Variants in NOTCH4 observed in about 807,000 individuals in gnomAD.
NOTCH4 encodes neurogenic locus notch homolog protein 4.
In NOTCH4, 138 loss-of-function variants were observed where a neutral mutation model predicts 189.0. The ratio of observed to expected loss-of-function variants is 0.73; its 90% CI spans 0.64 to 0.84. The LOEUF is 0.84. Ranked by LOEUF, NOTCH4 falls within the 40% of genes least tolerant of loss-of-function variation. The probability of loss-of-function intolerance (pLI) is 0.00; values close to 1 mark genes in which losing one functional copy is unlikely to be tolerated. For missense variants in NOTCH4, 2,286 were observed against 2,605.4 expected (o/e 0.88, Z 2.67); for synonymous variants, 942 against 1,032.8 (o/e 0.91, Z 1.69).
rs1788176308 is a variant in NOTCH4, at chr6:32,199,170, A to G, written c.4316-25T>C. ...GCTGGTGGGAGAGACAGAGTCACAA[A>G]GAGAGGCCACTCCTGGTGAGACTGA... On this transcript the variant is annotated intron_variant, in intron 23 of 29. Transcript: ENST00000375023. This position sits in a 1 kb window ranked among gnomAD's most constrained non-coding sequence, Gnocchi z 4.9. 2 of 1,526,812 alleles carry G rather than the reference A, an allele frequency of 1.3e-6. No individual in the cohort carries two copies. Among genetic ancestry groups the G allele is most frequent in the Non-Finnish European group, 1.8e-6 (2 of 1,130,894 alleles). 94.6% of individuals were successfully genotyped at this position (1,526,812 alleles called of 1,614,324 possible). A position where few individuals can be genotyped will look rare whatever the true frequency, so the allele number is the denominator to read the frequency against.
rs762000002 is a variant in NOTCH4 at position 32,218,109 on chromosome 6, C to T, written c.1511-1G>A. ...ACCTCACAGAGCTGCCCTTCTAAGC[C>T]TGGGGACATGGGGACCATGAGGGCT... On this transcript the variant is annotated splice_acceptor_variant, in intron 8 of 29. Transcript: ENST00000375023. LOFTEE classifies it high-confidence loss of function. The T allele has an allele frequency of 3.1e-6, 5 of 1,601,508 alleles. No homozygotes were observed. In the East Asian group the frequency reaches 1.1e-4, roughly 36 times the overall value.
rs1015312171 is a variant in NOTCH4 at position 32,199,243 on chromosome 6, C to T, written c.4316-98G>A. 17 of 875,402 alleles carry T rather than the reference C, an allele frequency of 1.9e-5. No individual in the cohort carries two copies. The highest frequency in any genetic ancestry group is 6.6e-5 in the Admixed American group (2 of 30,512). 54.2% of individuals were successfully genotyped at this position (875,402 alleles called of 1,614,324 possible). A position where few individuals can be genotyped will look rare whatever the true frequency, so the allele number is the denominator to read the frequency against. On this transcript the variant is annotated intron_variant, in intron 23 of 29. Coordinates refer to ENST00000375023, the MANE Select transcript of NOTCH4 (RefSeq NM_004557.4). The surrounding 1 kb of genome is among the most constrained non-coding windows in gnomAD (Gnocchi z 4.9). The stretch of plus-strand genomic sequence containing the variant: ...CAAGTTTAGTAGCCGGTCTTTGCCT[C>T]GGTTTCCTTATCTGCAAAATGGGGA...
chr6:32,203,554 G>C, intron 20 of NOTCH4: 1 of 537,150 alleles, frequency 1.9e-6, no homozygotes, highest in Non-Finnish European at 3.3e-6. Context: ...CTTAGGCAAC[G>C]CCTGTGATTT....
chr6:32,222,909 CCT>C, intron 2 of NOTCH4, 94 bp downstream of exon 2: 2 of 1,551,678 alleles, frequency 1.3e-6, no homozygotes, highest in Non-Finnish European at 1.8e-6. Context: ...TCCTTCACTT[CCT>C]CTCTTTCTTC....
In NOTCH4 at chr6:32,195,366, A is replaced by G; in HGVS notation, c.*71T>C. ...TTCATTTTGGGGGATCCATCTTAAA[A>G]CCAGGAAGGCCTTCCAGCCTGCCTT... On this transcript the variant is annotated 3_prime_UTR_variant, in exon 30 of 30. Coordinates refer to ENST00000375023, the MANE Select transcript of NOTCH4 (RefSeq NM_004557.4). The surrounding 1 kb of genome is among the most constrained non-coding windows in gnomAD (Gnocchi z 5.4). The G allele has an allele frequency of 6.9e-7, 1 of 1,446,506 alleles. No homozygotes were observed. The highest frequency in any genetic ancestry group is 9.3e-7 in the Non-Finnish European group (1 of 1,077,390). 89.6% of individuals were successfully genotyped at this position (1,446,506 alleles called of 1,614,324 possible). A position where few individuals can be genotyped will look rare whatever the true frequency, so the allele number is the denominator to read the frequency against.
At position 32,199,548 on chromosome 6, in the gene NOTCH4, C is replaced by T. The variant is rs1373499277; in HGVS notation, c.4316-403G>A. 2.0e-5 allele frequency among the ~76,000 whole-genome samples: 3 copies of T among 151,936 alleles called. No homozygotes were observed. Among genetic ancestry groups the T allele is most frequent in the East Asian group, 3.9e-4 (2 of 5,176 alleles). On this transcript the variant is annotated intron_variant, in intron 23 of 29. Coordinates refer to ENST00000375023, the MANE Select transcript of NOTCH4 (RefSeq NM_004557.4). The surrounding 1 kb of genome is among the most constrained non-coding windows in gnomAD (Gnocchi z 4.9). Reference sequence around the variant, plus strand: ...TGAAACCCTGTCTCTACTAAAAATACAAAAAATTAGCCAGGTGTGGTGGCG... The same window carrying T: ...TGAAACCCTGTCTCTACTAAAAATATAAAAAATTAGCCAGGTGTGGTGGCG...
chr6:32,197,093 T>C (rs114888927), intron 27 of NOTCH4, 21 bp from the exon 28 acceptor site: 1 of 1,610,686 alleles, frequency 6.2e-7, no homozygotes, highest in Admixed American at 1.7e-5. Context: ...AGAGGGCCAG[T>C]GACCCCTGGG....
At chr6:32,208,680 G>T (rs1788841673) in intron 18 of NOTCH4, among the ~76,000 whole-genome samples, 2 of 152,216 alleles carry the variant, frequency 1.3e-5, no homozygotes, top group African/African-American at 4.8e-5. Context: ...GTTGCAGTGA[G>T]CTGAGATCAA....
intron 28 of NOTCH4, 66 bp downstream of exon 28, chr6:32,196,859 G>A: frequency 1.3e-6 from 2 of 1,580,348 alleles, no homozygotes; most frequent in Non-Finnish European, 1.7e-6. Flanking sequence ...CCTATATTTT[G>A]CACGCTATCT....
intron 1 of NOTCH4, among the ~76,000 whole-genome samples, 179 bp from the exon 2 acceptor site, chr6:32,223,265 T>C (rs1407532858): frequency 6.6e-6 from 1 of 151,952 alleles, no homozygotes. Context: ...GTGCCCTCCG[T>C]CCCAGTTACT....
intron 18 of NOTCH4, among the ~76,000 whole-genome samples, chr6:32,207,638 C>T (rs200391889): frequency 4.9e-5 from 6 of 123,330 alleles, no homozygotes; most frequent in African/African-American, 1.2e-4. Flanking sequence ...TCCCCCCCCC[C>T]CAAAAAAAAA....
Position 32,221,347 on chromosome 6 carries a change from G to A in NOTCH4, c.452-22C>T. On this transcript the variant is annotated intron_variant, in intron 3 of 29. Coordinates refer to ENST00000375023, the MANE Select transcript of NOTCH4 (RefSeq NM_004557.4). The surrounding 1 kb of genome is among the most constrained non-coding windows in gnomAD (Gnocchi z 4.3). The stretch of plus-strand genomic sequence containing the variant: ...TCACCTGAGGCAGAGGACAGAGGGA[G>A]CCGTTTCTAGCATTGTACGAATTCT... The A allele has an allele frequency of 6.3e-7, 1 of 1,580,122 alleles. No homozygotes were observed. The highest frequency in any genetic ancestry group is 8.7e-7 in the Non-Finnish European group (1 of 1,155,426).
chr6:32,217,871 A>G lies in NOTCH4; in HGVS notation c.1624+124T>C, dbSNP rs1789512318. On this transcript the variant is annotated intron_variant, in intron 9 of 29. Transcript: ENST00000375023. The surrounding 1 kb of genome is among the most constrained non-coding windows in gnomAD (Gnocchi z 4.2). ...TAGAGATTTTGGGGAGCAAAGACAGATTTGGAGGACTCCTTGGCTTGGCTA... is the reference window on the plus strand; with the variant it reads ...TAGAGATTTTGGGGAGCAAAGACAGGTTTGGAGGACTCCTTGGCTTGGCTA... The G allele has an allele frequency of 6.1e-6, 4 of 657,766 alleles. No individual in the cohort carries two copies. The highest frequency in any genetic ancestry group is 3.6e-5 in the South Asian group (2 of 56,234). 40.7% of individuals were successfully genotyped at this position (657,766 alleles called of 1,614,324 possible).
At chr6:32,211,800 C>T (rs1248023597) in intron 17 of NOTCH4, among the ~76,000 whole-genome samples, 1 of 152,060 alleles carries the variant, frequency 6.6e-6, no homozygotes, top group Non-Finnish European at 1.5e-5. Flanking sequence ...CGAGTTTTAC[C>T]TCTCTCCTCA....
intron 18 of NOTCH4, among the ~76,000 whole-genome samples, chr6:32,209,814 C>T (rs566199427): frequency 1.3e-4 from 20 of 148,902 alleles, no homozygotes; most frequent in African/African-American, 3.4e-4. Flanking sequence ...ACCTGGGAGG[C>T]GGGGGTTTCA....
In NOTCH4 at chr6:32,195,937, C is replaced by T. The variant is rs1393114249; in HGVS notation, c.5512G>A (p.Gly1838Arg). 2.5e-6 allele frequency: 4 copies of T among 1,590,130 alleles called. No individual in the cohort carries two copies. Among genetic ancestry groups the T allele is most frequent in the South Asian group, 2.2e-5 (2 of 89,790 alleles). Residue 1838 changes from glycine (G) to arginine (R), a missense_variant, in exon 30 of 30, where the codon GGG (glycine) becomes AGG (arginine). This residue lies in a region of NOTCH4 where 383 missense variants were observed against 343.5 expected (regional missense o/e 1.11). Transcript: ENST00000375023. The surrounding 1 kb of genome is among the most constrained non-coding windows in gnomAD (Gnocchi z 5.4). ...RHKATPGREA[G>R]PFPRARTVSV... ...ACCGTCCGTGCGCGCGGGAAGGGCC[C>T]AGCCTCGCGGCCCGGCGTGGCTTTG... is the stretch of plus-strand genomic sequence containing the variant.
At position 32,219,589 on chromosome 6, in the gene NOTCH4, T is replaced by C; in HGVS notation, c.1510+3A>G. ...CCCACCCAAGGCCCCATCCAGCTGA[T>C]ACCTGGCGGGCAGAGGCAGTGGAAG... On this transcript the variant is annotated splice_donor_region_variant and intron_variant, in intron 8 of 29. Transcript: ENST00000375023. 6.2e-7 allele frequency: 1 copy of C among 1,612,238 alleles called. No homozygotes were observed. Among genetic ancestry groups the C allele is most frequent in the Non-Finnish European group, 8.5e-7 (1 of 1,179,578 alleles).
Position 32,197,518 on chromosome 6 carries a change from T to C in NOTCH4, c.4833A>G (p.Gly1611=). Residue 1611 remains glycine, a synonymous_variant, in exon 27 of 30, where the codon GGA becomes GGG. Transcript: ENST00000375023. ...QSGTFQGAWL[G]CPEPWEPLLD... ...GCAGAGGTTCCCAGGGCTCAGGACA[T>C]CCCAACCATGCCCCTTGGAAGGTCC... 1.2e-6 allele frequency: 2 copies of C among 1,611,292 alleles called. No individual in the cohort carries two copies. The highest frequency in any genetic ancestry group is 1.7e-6 in the Non-Finnish European group (2 of 1,178,684).
intron 4 of NOTCH4, 25 bp downstream of exon 4, chr6:32,220,953 C>T (rs1350586255): frequency 6.3e-7 from 1 of 1,591,612 alleles, no homozygotes; most frequent in Non-Finnish European, 8.6e-7. Flanking sequence ...AGAGGGGCGG[C>T]CGGAGAGCCC....
Sources: gnomAD v4.1 joint callset for allele counts (sites outside exome capture counted in the v4.1 genomes callset) on GRCh38, gnomAD v4.1.1 for gene constraint, gnomAD v4.1.1 regional missense constraint, Gnocchi (gnomAD v3.1) non-coding constraint, MANE v1.5 for transcripts, NCBI Gene and HGNC (gene_info 2026-07-23, HGNC 2026-07-21) for gene names.